Variants in FRMD4B observed in about 807,000 individuals in gnomAD.
The protein encoded by FRMD4B is FERM domain containing 4B, also known as FERM domain-containing protein 4B.
FRMD4B carries 74 observed loss-of-function variants against 141.5 expected under a neutral mutation model. The observed-to-expected ratio is 0.52, with a 90% CI of 0.43 to 0.63. The LOEUF is 0.63. Ranked by LOEUF, FRMD4B falls within the 30% of genes least tolerant of loss-of-function variation. The pLI is 0.00. For missense variants in FRMD4B, 1,366 were observed against 1,253.4 expected (o/e 1.09, Z -1.36); for synonymous variants, 506 against 467.9 (o/e 1.08, Z -1.05).
intron 5 of FRMD4B, among the ~76,000 whole-genome samples, chr3:69,267,618 TATATATATATATATATATAGAG>T (rs2093571104): frequency 4.2e-4 from 24 of 56,670 alleles, no homozygotes; most frequent in Admixed American, 5.9e-4. Context: ...TATATATATA[TATATATATATATATATATAGAG>T]AGAGAGAGAG....
intron 21 of FRMD4B, among the ~76,000 whole-genome samples, chr3:69,179,506 G>A (rs1042478909): frequency 1.3e-5 from 2 of 152,242 alleles, no homozygotes; most frequent in Non-Finnish European, 2.9e-5. Context: ...TATGTTAGAT[G>A]TGGTAATAGA....
chr3:69,341,696 C>G (rs1352808025), intron 1 of FRMD4B, among the ~76,000 whole-genome samples: 1 of 152,142 alleles, frequency 6.6e-6, no homozygotes, highest in Non-Finnish European at 1.5e-5. Flanking sequence ...GAGGCAAGGC[C>G]TTTAGGAGGT....
intron 1 of FRMD4B, among the ~76,000 whole-genome samples, chr3:69,491,878 T>A (rs1706305533): frequency 6.6e-6 from 1 of 152,160 alleles, no homozygotes. Context: ...TAGTAACATA[T>A]CTCAAAGACC....
chr3:69,216,153 C>CAA (rs77475566), intron 11 of FRMD4B, 110 bp downstream of exon 11: 1,691 of 555,602 alleles, frequency 3.0e-3, no homozygotes, highest in Non-Finnish European at 3.5e-3. Flanking sequence ...GACTCCATCT[C>CAA]AAAAAAAACC....
Position 69,196,539 on chromosome 3 carries a change from A to AAAAC in FRMD4B, c.1093-147_1093-144dup, listed in dbSNP as rs56236557. Reference sequence around the variant, plus strand: ...ATTCAAGTGGCATTCTTCAGACCAAAAAACAAAACAAAACAAAAACCCCAC... The same window carrying AAAAC: ...ATTCAAGTGGCATTCTTCAGACCAAAAAACAAACAAAACAAAACAAAAACCCCAC... On this transcript the variant is annotated intron_variant, in intron 13 of 22. Coordinates refer to ENST00000398540, the MANE Select transcript of FRMD4B (RefSeq NM_015123.3). The AAAAC allele has an allele frequency of 1.2e-4, 57 of 475,696 alleles. No individual in the cohort carries two copies. In the African/African-American group the frequency reaches 4.2e-3, roughly 35 times the overall value. The allele number at this position is 475,696 out of a possible 1,614,324, so 29.5% of individuals were successfully genotyped here. A position where few individuals can be genotyped will look rare whatever the true frequency, so the allele number is the denominator to read the frequency against.
At chr3:69,194,994 T>C in intron 16 of FRMD4B, 28 bp downstream of exon 16, 2 of 1,601,570 alleles carry the variant, frequency 1.2e-6, no homozygotes, top group African/African-American at 1.3e-5. Flanking sequence ...TTATGATTAA[T>C]TGAAAGGCTC....
At position 69,303,022 on chromosome 3, in the gene FRMD4B, C is replaced by T. The variant is rs557801755; in HGVS notation, c.324-587G>A. On this transcript the variant is annotated intron_variant, in intron 3 of 22. Transcript: ENST00000398540. ...CCGGGAGGCGGAGGTTGCAGTGAGCCGAGATTGCACCATTGCACTCCAGCC... is the reference window on the plus strand; with the variant it reads ...CCGGGAGGCGGAGGTTGCAGTGAGCTGAGATTGCACCATTGCACTCCAGCC... Among the ~76,000 whole-genome samples the T allele has an allele frequency of 4.5e-3, 688 of 152,158 alleles. 5 individuals are homozygous for T. Among genetic ancestry groups the T allele is most frequent in the African/African-American group, 0.014 (598 of 41,518 alleles).
intron 1 of FRMD4B, among the ~76,000 whole-genome samples, chr3:69,385,414 G>T (rs963145544): frequency 6.6e-6 from 1 of 152,050 alleles, no homozygotes; most frequent in Non-Finnish European, 1.5e-5. Context: ...ATCCACCAAG[G>T]CCCCCTCTGC....
At chr3:69,285,958 G>A (rs9864597) in intron 5 of FRMD4B, among the ~76,000 whole-genome samples, 1,939 of 152,252 alleles carry the variant, frequency 0.013, 48 homozygotes, top group African/African-American at 0.044. Context: ...GATGACAGCA[G>A]ACTTCTCATC....
intron 2 of FRMD4B, among the ~76,000 whole-genome samples, chr3:69,400,983 T>C (rs1704553682): frequency 6.6e-6 from 1 of 152,228 alleles, no homozygotes; most frequent in African/African-American, 2.4e-5. Flanking sequence ...AGAATGTCAA[T>C]GGTTACCGGC....
At position 69,187,881 on chromosome 3, in the gene FRMD4B, C is replaced by T; in HGVS notation, c.1808G>A (p.Ser603Asn). Residue 603 changes from serine (S) to asparagine (N), a missense_variant, in exon 19 of 23, where the codon AGT (serine) becomes AAT (asparagine). Physicochemically the swap from Ser to Asn is conservative, Grantham distance 46. Coordinates refer to ENST00000398540, the MANE Select transcript of FRMD4B (RefSeq NM_015123.3). ...AATTCTTGGAGAATGAGGTACTGAA[C>T]TTGATCGCTGCCCAGGAAAAGTGAA... ...DAFTFPGQRSSSVPHSPRILP... is the reference protein window; with the variant it reads ...DAFTFPGQRSNSVPHSPRILP... 6.2e-7 allele frequency: 1 copy of T among 1,603,364 alleles called. No individual in the cohort carries two copies. Among genetic ancestry groups the T allele is most frequent in the Non-Finnish European group, 8.5e-7 (1 of 1,173,954 alleles).
intron 1 of FRMD4B, among the ~76,000 whole-genome samples, chr3:69,455,949 C>T (rs1026626564): frequency 1.3e-5 from 2 of 152,126 alleles, no homozygotes; most frequent in African/African-American, 4.8e-5. Context: ...TGTTCTGAGG[C>T]TTAAATCAGA....
At chr3:69,326,248 T>C (rs1702188647) in intron 1 of FRMD4B, among the ~76,000 whole-genome samples, 1 of 151,744 alleles carries the variant, frequency 6.6e-6, no homozygotes, top group South Asian at 2.1e-4. Context: ...TAAGCCACCA[T>C]GCCCAGCCTC....
At chr3:69,481,372 T>C (rs187773636) in intron 1 of FRMD4B, among the ~76,000 whole-genome samples, 2 of 152,168 alleles carry the variant, frequency 1.3e-5, no homozygotes, top group African/African-American at 4.8e-5. Context: ...TCTTATATTT[T>C]TTCTTTGCTC....
At chr3:69,350,483 C>T (rs1703103097) in intron 1 of FRMD4B, among the ~76,000 whole-genome samples, 1 of 152,068 alleles carries the variant, frequency 6.6e-6, no homozygotes, top group South Asian at 2.1e-4. Context: ...CGTATATACC[C>T]AAAGGATTAT....
chr3:69,300,876 C>T (rs1216060144), intron 4 of FRMD4B, among the ~76,000 whole-genome samples: 1 of 152,162 alleles, frequency 6.6e-6, no homozygotes, highest in African/African-American at 2.4e-5. Context: ...GCTGGGATTA[C>T]AGATGCCCAC....
At chr3:69,454,772 G>A (rs1440623546) in intron 1 of FRMD4B, among the ~76,000 whole-genome samples, 2 of 152,204 alleles carry the variant, frequency 1.3e-5, no homozygotes, top group African/African-American at 4.8e-5. Flanking sequence ...CCTGCTCCGT[G>A]GCACCAGGTC....
intron 5 of FRMD4B, among the ~76,000 whole-genome samples, chr3:69,273,437 A>G (rs1168155215): frequency 2.0e-5 from 3 of 152,214 alleles, no homozygotes; most frequent in African/African-American, 4.8e-5. Flanking sequence ...TGATCATGCA[A>G]TGCTGAAATT....
At chr3:69,486,673 A>T (rs1053396008) in intron 1 of FRMD4B, among the ~76,000 whole-genome samples, 1 of 152,208 alleles carries the variant, frequency 6.6e-6, no homozygotes, top group Non-Finnish European at 1.5e-5. Flanking sequence ...AGTGGCAGAC[A>T]TACTACATGG....
Sources: gnomAD v4.1 joint callset for allele counts (sites outside exome capture counted in the v4.1 genomes callset) on GRCh38, gnomAD v4.1.1 for gene constraint, MANE v1.5 for transcripts, NCBI Gene and HGNC (gene_info 2026-07-23, HGNC 2026-07-21) for gene names.